The following NUP98 variants were observed in gnomAD, a reference collection of about 807,000 sequenced individuals.
NUP98 encodes the protein nucleoporin 98 and 96 precursor.
Under a neutral mutation model 191.9 loss-of-function variants are expected in NUP98, and 26 were observed. The ratio of observed to expected loss-of-function variants is 0.14; its 90% CI spans 0.10 to 0.19. The LOEUF is 0.19. Ranked by LOEUF, NUP98 falls within the 10% of genes least tolerant of loss-of-function variation. The pLI is 1.00. For synonymous variants in NUP98, 808 were observed against 778.4 expected (o/e 1.04, Z -0.63); for missense variants, 1,941 against 2,178.8 (o/e 0.89, Z 2.17).
At chr11:3,771,583 G>C (rs2081533830) in intron 7 of NUP98, among the ~76,000 whole-genome samples, 165 bp downstream of exon 7, 1 of 152,120 alleles carries the variant, frequency 6.6e-6, no homozygotes, top group African/African-American at 2.4e-5. Flanking sequence ...ATCTTAAACT[G>C]TCTTTCTCCC....
Position 3,728,066 on chromosome 11 carries a change from C to T in NUP98, c.1731-2847G>A, listed in dbSNP as rs765497360. On this transcript the variant is annotated intron_variant, in intron 14 of 32. Transcript: ENST00000324932. ...AAAATAGTGTCGCAAGAGTAGTCTT[C>T]ATTGATGTGACATGTGAGTACAGAG... 2.6e-5 allele frequency among the ~76,000 whole-genome samples: 4 copies of T among 152,056 alleles called. 1 individual carries two copies.
At chr11:3,716,445 C>T (rs984289919) in intron 18 of NUP98, among the ~76,000 whole-genome samples, 1 of 151,874 alleles carries the variant, frequency 6.6e-6, no homozygotes. Context: ...GTGGTTTACA[C>T]CTATAATCCC....
rs1238020555 is a variant in NUP98, at chr11:3,720,777, T to C, written c.2195A>G (p.Asp732Gly). 1.9e-6 allele frequency: 3 copies of C among 1,581,220 alleles called. No individual in the cohort carries two copies. The South Asian group carries it at 3.3e-5, about 18-fold the overall frequency. Residue 732 changes from aspartate to glycine, a missense_variant, in exon 17 of 33, where the codon GAC becomes GGC. This residue lies in a region of NUP98 where 453 missense variants were observed against 438.2 expected (regional missense o/e 1.03). Transcript: ENST00000324932. ...TTTTTCATTGGTAATTTTAGCAAGG[T>C]CATCCATAGATGGAATAGTATAGTA... Reference protein sequence around the residue: ...VGYYTIPSMDDLAKITNEKGE... With the variant: ...VGYYTIPSMDGLAKITNEKGE...
Position 3,797,430 on chromosome 11 carries a change from G to C in NUP98, c.-59C>G. 1 of 409,498 alleles carries C rather than the reference G, an allele frequency of 2.4e-6. No individual in the cohort carries two copies. The highest frequency in any genetic ancestry group is 3.6e-5 in the East Asian group (1 of 28,072). 25.4% of individuals were successfully genotyped at this position (409,498 alleles called of 1,614,324 possible). ...TTCGGTGGGGAAGGGGAAGTGTCAGGAGTCCCCTGCTGCCACCCGCCGCTC... is the reference window on the plus strand; with the variant it reads ...TTCGGTGGGGAAGGGGAAGTGTCAGCAGTCCCCTGCTGCCACCCGCCGCTC... On this transcript the variant is annotated 5_prime_UTR_variant, in exon 1 of 33. Transcript: ENST00000324932.
Position 3,677,194 on chromosome 11 carries a change from T to C in NUP98, c.5074-574A>G, listed in dbSNP as rs144329036. ...GTGGATGTGGCAGAGAGAAACTGGA[T>C]AGCTACTTGAGACTGGAGGACCAAG... is the stretch of plus-strand genomic sequence containing the variant. On this transcript the variant is annotated intron_variant, in intron 31 of 32. Transcript: ENST00000324932. Among the ~76,000 whole-genome samples, 152 of 152,294 alleles carry C rather than the reference T, an allele frequency of 1.0e-3. 1 individual carries two copies. Among genetic ancestry groups the C allele is most frequent in the Middle Eastern group, 3.4e-3 (1 of 294 alleles).
chr11:3,777,651 C>G (rs990377533), intron 4 of NUP98, among the ~76,000 whole-genome samples: 2 of 144,694 alleles, frequency 1.4e-5, no homozygotes, highest in African/African-American at 5.1e-5. Flanking sequence ...AGAAGTTATA[C>G]ATATGGTGCC....
At chr11:3,782,557 C>T (rs1265940040) in intron 1 of NUP98, among the ~76,000 whole-genome samples, 1 of 149,012 alleles carries the variant, frequency 6.7e-6, no homozygotes, top group Non-Finnish European at 1.5e-5. Flanking sequence ...ACCCAACCAC[C>T]TAAAAAGCTA....
intron 16 of NUP98, among the ~76,000 whole-genome samples, chr11:3,721,927 G>T (rs889043498): frequency 6.6e-6 from 1 of 151,996 alleles, no homozygotes; most frequent in Non-Finnish European, 1.5e-5. Flanking sequence ...CCAAACTCCA[G>T]CCTCCAGCAA....
Position 3,768,696 on chromosome 11 carries a change from T to G in NUP98, c.833A>C (p.Asn278Thr). Reference sequence around the variant, plus strand: ...GCTGAAGAGGCTGGTAGTCTGCTGATTCTGTTGGCCAAAGAGACCACCTGG... The same window carrying G: ...GCTGAAGAGGCTGGTAGTCTGCTGAGTCTGTTGGCCAAAGAGACCACCTGG... ...TNPGGLFGQQ[N>T]QQTTSLFSKP... is the part of the protein sequence containing the mutation. Residue 278 changes from asparagine (N) to threonine (T), a missense_variant, in exon 8 of 33, where the codon AAT becomes ACT. By Grantham distance (65) the Asn-to-Thr change is moderately conservative. Around this residue, in one of 6 missense-constraint regions of NUP98, gnomAD observed 181 missense variants for 228.0 expected, o/e 0.79. Transcript: ENST00000324932. 2 of 1,606,934 alleles carry G rather than the reference T, an allele frequency of 1.2e-6. No homozygotes were observed. Among genetic ancestry groups the G allele is most frequent in the South Asian group, 2.2e-5 (2 of 90,038 alleles).
chr11:3,704,707 T>A (rs566739784), intron 22 of NUP98, among the ~76,000 whole-genome samples: 5 of 152,300 alleles, frequency 3.3e-5, no homozygotes, highest in African/African-American at 1.2e-4. Flanking sequence ...TTCTAGTTCT[T>A]AAAAACCGGC....
At position 3,683,306 on chromosome 11, in the gene NUP98, A is replaced by G; in HGVS notation, c.4812T>C (p.Ala1604=). 6.2e-7 allele frequency: 1 copy of G among 1,614,182 alleles called. No homozygotes were observed. The highest frequency in any genetic ancestry group is 8.5e-7 in the Non-Finnish European group (1 of 1,180,022). Residue 1604 remains alanine, a synonymous_variant, in exon 30 of 33, where the codon GCT becomes GCC. Coordinates refer to ENST00000324932, the MANE Select transcript of NUP98 (RefSeq NM_016320.5). ...VPAKWIHEAK[A]VRAHMESDKH... ...TGTCAGATTCCATGTGTGCTCGCAC[A>G]GCTTTGGCCTCGTGGATCCATTTGG...
chr11:3,793,052 AGTAC>A lies in NUP98; in HGVS notation c.-29+4344_-29+4347del, dbSNP rs1270278155. The stretch of plus-strand genomic sequence containing the variant: ...CTTGAACCTGGGAGGCGGAGGTTGG[AGTAC>A]GCTGAGATAGCGCCACTGCACTCCG... On this transcript the variant is annotated intron_variant, in intron 1 of 32. Coordinates refer to ENST00000324932, the MANE Select transcript of NUP98 (RefSeq NM_016320.5). 9.9e-5 allele frequency among the ~76,000 whole-genome samples: 15 copies of A among 152,274 alleles called. 1 individual carries two copies. In the East Asian group the frequency reaches 2.7e-3, roughly 27 times the overall value.
At position 3,712,569 on chromosome 11, in the gene NUP98, G is replaced by T. The variant is rs765075958; in HGVS notation, c.2737C>A (p.Pro913Thr). The stretch of plus-strand genomic sequence containing the variant: ...CACTGTCCTTTTTTCTCTACCTGAG[G>T]TGGAGGTGCAGGTTTGCCATTAAGA... ...MALNGKPAPP[P>T]QSQSPEVEQL... Residue 913 changes from proline to threonine, a missense_variant, in exon 20 of 33, where the codon CCT (proline) becomes ACT (threonine). Physicochemically the swap from Pro to Thr is conservative, Grantham distance 38 (BLOSUM62 -1). Transcript: ENST00000324932. 1 of 1,613,536 alleles carries T rather than the reference G, an allele frequency of 6.2e-7. No individual in the cohort carries two copies. The highest frequency in any genetic ancestry group is 1.1e-5 in the South Asian group (1 of 90,982).
chr11:3,714,005 A>ATAACCAATTAAAG lies in NUP98; in HGVS notation c.2400-23_2400-11dup, dbSNP rs759284083. 4 of 1,613,412 alleles carry ATAACCAATTAAAG rather than the reference A, an allele frequency of 2.5e-6. No homozygotes were observed. Among genetic ancestry groups the ATAACCAATTAAAG allele is most frequent in the Non-Finnish European group, 3.4e-6 (4 of 1,179,846 alleles). On this transcript the variant is annotated splice_polypyrimidine_tract_variant and intron_variant, in intron 18 of 32. Transcript: ENST00000324932. The stretch of plus-strand genomic sequence containing the variant: ...TGTAACTTCAGCCTTCCTGTAAAAC[A>ATAACCAATTAAAG]TAACCAATTAAAGTAACCAATTAAA...
At chr11:3,743,164 A>ACATGCCAT (rs1249455386) in intron 12 of NUP98, among the ~76,000 whole-genome samples, 1 of 151,558 alleles carries the variant, frequency 6.6e-6, no homozygotes, top group African/African-American at 2.4e-5. Flanking sequence ...GATTACATGC[A>ACATGCCAT]CATGCCATCA....
intron 20 of NUP98, among the ~76,000 whole-genome samples, chr11:3,706,828 G>A (rs1471960558): frequency 2.6e-5 from 4 of 152,128 alleles, no homozygotes; most frequent in South Asian, 2.1e-4. Flanking sequence ...ATCCAAATAA[G>A]GATTCATGTA....
At chr11:3,700,268 CAAAAA>C (rs35824298) in intron 24 of NUP98, among the ~76,000 whole-genome samples, 7,424 of 93,350 alleles carry the variant, frequency 0.08, 268 homozygotes, top group East Asian at 0.27. Flanking sequence ...GACTCCGTCT[CAAAAA>C]AAAAAAAAAA....
At chr11:3,788,644 T>A (rs1354814491) in intron 1 of NUP98, among the ~76,000 whole-genome samples, 2 of 152,048 alleles carry the variant, frequency 1.3e-5, no homozygotes, top group Non-Finnish European at 1.5e-5. Context: ...TATACCTAAC[T>A]ATTAAGAATC....
intron 18 of NUP98, among the ~76,000 whole-genome samples, chr11:3,718,989 G>A (rs981137287): frequency 1.4e-4 from 22 of 151,730 alleles, no homozygotes; most frequent in Non-Finnish European, 3.1e-4. Context: ...GCATGGTGGC[G>A]GGCGCCTACA....
Sources: gnomAD v4.1 joint callset for allele counts (sites outside exome capture counted in the v4.1 genomes callset) on GRCh38, gnomAD v4.1.1 for gene constraint, gnomAD v4.1.1 regional missense constraint, MANE v1.5 for transcripts, NCBI Gene and HGNC (gene_info 2026-07-23, HGNC 2026-07-21) for gene names.